The following FBN3 variants were observed in gnomAD, a reference collection of about 807,000 sequenced individuals.
The protein encoded by FBN3 is fibrillin 3.
FBN3 carries 234 observed loss-of-function variants against 330.1 expected under a neutral mutation model. That is an observed-to-expected ratio of 0.71 (90% CI 0.64 to 0.79). FBN3 has a LOEUF of 0.79. Among genes scored for constraint, FBN3 ranks in the 30% least tolerant of loss-of-function variants. FBN3 has a pLI of 0.00. For missense variants in FBN3, 3,606 were observed against 3,886.9 expected, an observed-to-expected ratio of 0.93 and a Z score of 1.92; for synonymous variants, 1,458 against 1,517.3, an observed-to-expected ratio of 0.96 and a Z score of 0.91.
In FBN3 at chr19:8,117,569, T is replaced by C; in HGVS notation, c.3358A>G (p.Ser1120Gly). ...TGGCCATGGGGACACAGGCCATCAC[T>C]CAGGGAGCACTCATCGATGTCTGTG... ...ACEDIDECSL[S>G]DGLCPHGQCV... is the part of the protein sequence containing the mutation. The change falls in exon 27 of 64, where the codon AGT becomes GGT. Residue 1120 changes from serine to glycine, a missense_variant. Coordinates refer to ENST00000600128, the MANE Select transcript of FBN3 (RefSeq NM_032447.5). The C allele has an allele frequency of 6.4e-7, 1 of 1,554,538 alleles. No homozygotes were observed. The highest frequency in any genetic ancestry group is 1.9e-5 in the Admixed American group (1 of 51,580).
chr19:8,133,137 C>A (rs1271958417), intron 13 of FBN3, 31 bp from the exon 14 acceptor site: 1 of 1,545,696 alleles, frequency 6.5e-7, no homozygotes, highest in Non-Finnish European at 8.7e-7. Context: ...TGGGTCCAGG[C>A]AGGGACCACA....
rs776828418 is a variant in FBN3, at chr19:8,111,126, G to T, written c.4142C>A (p.Ala1381Glu). ...DLCDNGQCLN[A>E]PGGYRCECEM... ...ACATTCACAGCGGTACCCGCCGGGCGCATTGAGGCACTGCCCGTTGTCACA... is the reference window on the plus strand; with the variant it reads ...ACATTCACAGCGGTACCCGCCGGGCTCATTGAGGCACTGCCCGTTGTCACA... The change falls in exon 33 of 64, where the codon GCG becomes GAG. Residue 1381 changes from alanine to glutamate, a missense_variant. Ala to Glu is a moderately radical substitution (Grantham distance 107). Transcript: ENST00000600128. 10 of 1,612,940 alleles carry T rather than the reference G, an allele frequency of 6.2e-6. No individual in the cohort carries two copies. Among genetic ancestry groups the T allele is most frequent in the South Asian group, 2.2e-5 (2 of 90,960 alleles).
At chr19:8,116,171 T>G (rs2082700730) in intron 29 of FBN3, among the ~76,000 whole-genome samples, 1 of 152,188 alleles carries the variant, frequency 6.6e-6, no homozygotes, top group African/African-American at 2.4e-5. Flanking sequence ...ACTTCCACAC[T>G]CTGGCCTCAG....
chr19:8,075,474 A>G, intron 59 of FBN3, 63 bp from the exon 60 acceptor site: 1 of 1,549,236 alleles, frequency 6.5e-7, no homozygotes, highest in Admixed American at 1.8e-5. Flanking sequence ...CAGGTGACAC[A>G]ATGCCAGTCC....
At chr19:8,143,548 G>A (rs942800188) in intron 6 of FBN3, among the ~76,000 whole-genome samples, 1 of 139,354 alleles carries the variant, frequency 7.2e-6, no homozygotes, top group Non-Finnish European at 1.5e-5. Context: ...CCAGGCTGGA[G>A]TACAGTGGTG....
At position 8,073,181 on chromosome 19, in the gene FBN3, C is replaced by T. The variant is rs1371443181; in HGVS notation, c.7819G>A (p.Gly2607Ser). The T allele has an allele frequency of 1.9e-6, 3 of 1,613,968 alleles. No individual in the cohort carries two copies. The highest frequency in any genetic ancestry group is 2.2e-5 in the South Asian group (2 of 91,082). The change falls in exon 62 of 64, where the codon GGC becomes AGC. Residue 2607 changes from glycine (G) to serine (S), a missense_variant. Gly to Ser is a moderately conservative substitution (Grantham distance 56). Coordinates refer to ENST00000600128, the MANE Select transcript of FBN3 (RefSeq NM_032447.5). ...SGFDFDQALG[G>S]CQEVDECAGR... The stretch of plus-strand genomic sequence containing the variant: ...GCGCACTCATCCACCTCCTGGCAGC[C>T]CCCGAGGGCCTGATCAAAGTCAAAG...
intron 1 of FBN3, 83 bp from the exon 2 acceptor site, chr19:8,147,580 G>A: frequency 4.7e-6 from 6 of 1,268,264 alleles, no homozygotes; most frequent in Non-Finnish European, 6.2e-6. Flanking sequence ...AGGGCAGGGT[G>A]GTTGCCAAAT....
intron 19 of FBN3, 36 bp from the exon 20 acceptor site, chr19:8,126,641 C>T (rs373995643): frequency 7.5e-6 from 12 of 1,601,168 alleles, no homozygotes; most frequent in East Asian, 2.2e-5. Context: ...TCTCACCTGC[C>T]GGCCCTACAC....
intron 13 of FBN3, 25 bp downstream of exon 13, chr19:8,135,936 G>GCGCCCCCCCCCCCCCCC: frequency 1.5e-6 from 1 of 668,778 alleles, no homozygotes; most frequent in Non-Finnish European, 2.4e-6. Flanking sequence ...GGAAGCCCCT[G>GCGCCCCCCCCCCCCCCC]CCCACCCGCC....
At chr19:8,091,199 C>T (rs1053424913) in intron 48 of FBN3, among the ~76,000 whole-genome samples, 2 of 152,224 alleles carry the variant, frequency 1.3e-5, no homozygotes, top group African/African-American at 4.8e-5. Context: ...AGCCCATTGA[C>T]AGCCTACAGT....
In FBN3 at chr19:8,147,501, C is replaced by A. The variant is rs548042156; in HGVS notation, c.-17-4G>T. On this transcript the variant is annotated splice_polypyrimidine_tract_variant and splice_region_variant and intron_variant, in intron 1 of 63. Coordinates refer to ENST00000600128, the MANE Select transcript of FBN3 (RefSeq NM_032447.5). ...GTCATGGCGTGTCCCCTGGAGGCTG[C>A]GGAGAGGAAGCAGAGTCAGCCCTAG... 1.1e-5 allele frequency: 16 copies of A among 1,442,302 alleles called. No individual in the cohort carries two copies. The East Asian group carries it at 3.8e-4, about 34-fold the overall frequency. The allele number at this position is 1,442,302 out of a possible 1,614,324, so 89.3% of individuals were successfully genotyped here.
chr19:8,117,373 A>G (rs2076104732), intron 27 of FBN3, 82 bp from the exon 28 acceptor site: 2 of 1,541,722 alleles, frequency 1.3e-6, no homozygotes, highest in Non-Finnish European at 1.7e-6. Context: ...GGGTGGGAGC[A>G]GAGTGGAGTT....
rs1037892625 is a variant in FBN3 at position 8,123,956 on chromosome 19, G to A, written c.2784C>T (p.Val928=). The A allele has an allele frequency of 6.2e-7, 1 of 1,614,108 alleles. No individual in the cohort carries two copies. The highest frequency in any genetic ancestry group is 8.5e-7 in the Non-Finnish European group (1 of 1,180,034). ...FLRWDEDECG[V]TLPGKYRMDV... is the part of the protein sequence containing the mutation. ...CCATCCGGTACTTGCCAGGCAGGGT[G>A]ACCCCACACTCATCCTCATCCCATC... The change falls in exon 23 of 64, where the codon GTC becomes GTT. Residue 928 remains valine, a synonymous_variant. Transcript: ENST00000600128.
intron 37 of FBN3, 79 bp downstream of exon 37, chr19:8,108,091 T>C: frequency 1.5e-6 from 2 of 1,311,714 alleles, no homozygotes; most frequent in Non-Finnish European, 2.2e-6. Flanking sequence ...TACTCAACTC[T>C]ACACTTTGGT....
chr19:8,072,513 TG>T (rs2145359798), intron 62 of FBN3, among the ~76,000 whole-genome samples: 2 of 152,090 alleles, frequency 1.3e-5, no homozygotes, highest in South Asian at 4.2e-4. Context: ...TGTGTTCACA[TG>T]GGGAATAACT....
rs551646245 is a variant in FBN3, at chr19:8,065,556, C to T, written c.*363G>A. The T allele has an allele frequency of 8.2e-6, 2 of 243,496 alleles. No individual in the cohort carries two copies. Among genetic ancestry groups the T allele is most frequent in the South Asian group, 1.6e-4 (1 of 6,138 alleles). 15.1% of individuals were successfully genotyped at this position (243,496 alleles called of 1,614,324 possible). A position where few individuals can be genotyped will look rare whatever the true frequency, so the allele number is the denominator to read the frequency against. On this transcript the variant is annotated 3_prime_UTR_variant, in exon 64 of 64. Coordinates refer to ENST00000600128, the MANE Select transcript of FBN3 (RefSeq NM_032447.5). ...CTGTGCCCACCCCAGTTGCCCATTG[C>T]CATGTCCTGCCAACCCCCTGCCCCC...
intron 51 of FBN3, among the ~76,000 whole-genome samples, chr19:8,088,922 A>ATGAATGAGGGAGTGAT (rs2082028699): frequency 6.6e-6 from 1 of 152,178 alleles, no homozygotes; most frequent in African/African-American, 2.4e-5. Context: ...TGAGGTGTGA[A>ATGAATGAGGGAGTGAT]TGAATGAGGG....
intron 62 of FBN3, 57 bp downstream of exon 62, chr19:8,073,006 T>TGTGTGTGTGTGTGC (rs1358267793): frequency 1.0e-6 from 1 of 963,918 alleles, no homozygotes; most frequent in African/African-American, 1.7e-5. Context: ...TGTGTGTGCG[T>TGTGTGTGTGTGTGC]GCGTGCATGG....
At position 8,075,324 on chromosome 19, in the gene FBN3, T is replaced by C. The variant is rs1340098675; in HGVS notation, c.7541A>G (p.His2514Arg). Residue 2514 changes from histidine (H) to arginine (R), a missense_variant, in exon 60 of 64, where the codon CAC becomes CGC. Transcript: ENST00000600128. ...NTPGSFRCEC[H>R]QGFTLVSSGH... is the part of the protein sequence containing the mutation. ...TGAGCTGACCAGGGTGAAGCCTTGG[T>C]GGCATTCACAGCGGAAGCTGCCCGG... 1 of 1,614,196 alleles carries C rather than the reference T, an allele frequency of 6.2e-7. No individual in the cohort carries two copies. Among genetic ancestry groups the C allele is most frequent in the Non-Finnish European group, 8.5e-7 (1 of 1,180,028 alleles).
Sources: gnomAD v4.1 joint callset for allele counts (sites outside exome capture counted in the v4.1 genomes callset) on GRCh38, gnomAD v4.1.1 for gene constraint, MANE v1.5 for transcripts, NCBI Gene and HGNC (gene_info 2026-07-23, HGNC 2026-07-21) for gene names.